The following CTNNA3 variants were observed in gnomAD, a reference collection of about 807,000 sequenced individuals.
CTNNA3 encodes catenin alpha 3, also known as catenin alpha-3.
CTNNA3 carries 76 observed loss-of-function variants against 95.7 expected under a neutral mutation model. That is an observed-to-expected ratio of 0.79 (90% CI 0.66 to 0.96). The LOEUF (loss-of-function observed/expected upper bound fraction) is 0.96, where lower values mean the gene tolerates loss of function less well. Ranked by LOEUF, CTNNA3 falls within the 40% of genes least tolerant of loss-of-function variation. The probability of loss-of-function intolerance (pLI) is 0.00; values close to 1 mark genes in which losing one functional copy is unlikely to be tolerated. For synonymous variants in CTNNA3, 431 were observed against 374.4 expected, an observed-to-expected ratio of 1.15 and a Z score of -1.74; for missense variants, 1,191 against 1,089.8, an observed-to-expected ratio of 1.09 and a Z score of -1.31.
intron 3 of CTNNA3, among the ~76,000 whole-genome samples, chr10:67,562,489 C>G (rs1328620560): frequency 6.6e-6 from 1 of 152,110 alleles, no homozygotes; most frequent in East Asian, 1.9e-4. Context: ...GGACATATCT[C>G]AAAATAATAA....
chr10:66,931,192 T>TAAAAAAAAAAAA, intron 7 of CTNNA3, among the ~76,000 whole-genome samples: 1 of 118,674 alleles, frequency 8.4e-6, no homozygotes, highest in Non-Finnish European at 1.7e-5. Flanking sequence ...TGACAACAGT[T>TAAAAAAAAAAAA]AAAAAAAAAA....
chr10:67,379,435 T>C (rs138709982), intron 5 of CTNNA3, among the ~76,000 whole-genome samples: 50 of 152,332 alleles, frequency 3.3e-4, no homozygotes, highest in African/African-American at 1.2e-3. Context: ...TGAAAGGCAT[T>C]ATACAAAGAT....
chr10:66,206,243 A>G (rs1012829961), intron 13 of CTNNA3, among the ~76,000 whole-genome samples: 6 of 151,960 alleles, frequency 3.9e-5, no homozygotes, highest in Non-Finnish European at 7.4e-5. Flanking sequence ...TCAAGGAAAT[A>G]TAACACCAAC....
At chr10:65,926,380 T>G (rs1396850364) in intron 17 of CTNNA3, among the ~76,000 whole-genome samples, 2 of 152,104 alleles carry the variant, frequency 1.3e-5, no homozygotes, top group Non-Finnish European at 2.9e-5. Flanking sequence ...TGTGGAATTA[T>G]GAAAATGCAT....
intron 11 of CTNNA3, among the ~76,000 whole-genome samples, chr10:66,514,604 C>A (rs1171330291): frequency 6.6e-6 from 1 of 152,080 alleles, no homozygotes; most frequent in Admixed American, 6.5e-5. Flanking sequence ...TTGATCTCCA[C>A]CACCACAGTT....
chr10:66,222,883 T>C (rs2131985275), intron 13 of CTNNA3, among the ~76,000 whole-genome samples: 1 of 152,326 alleles, frequency 6.6e-6, no homozygotes, highest in Non-Finnish European at 1.5e-5. Flanking sequence ...AAGGTTATTC[T>C]CTTCTAGACA....
At chr10:67,209,643 A>T (rs1203905173) in intron 6 of CTNNA3, among the ~76,000 whole-genome samples, 1 of 152,152 alleles carries the variant, frequency 6.6e-6, no homozygotes, top group Non-Finnish European at 1.5e-5. Flanking sequence ...CCAAAATAAA[A>T]CCTATATTTT....
intron 2 of CTNNA3, among the ~76,000 whole-genome samples, chr10:67,616,879 G>A (rs73268186): frequency 5.8e-4 from 89 of 152,216 alleles, no homozygotes; most frequent in African/African-American, 2.1e-3. Flanking sequence ...AAAGACGTTT[G>A]GGGAAAAATT....
intron 5 of CTNNA3, among the ~76,000 whole-genome samples, chr10:67,482,858 C>T (rs1234364689): frequency 1.3e-5 from 2 of 152,088 alleles, no homozygotes; most frequent in Non-Finnish European, 2.9e-5. Context: ...CAGTTTTTGC[C>T]CATTCAGTAT....
At chr10:66,573,456 C>T (rs544389086) in intron 10 of CTNNA3, among the ~76,000 whole-genome samples, 5 of 152,178 alleles carry the variant, frequency 3.3e-5, no homozygotes, top group Non-Finnish European at 5.9e-5. Context: ...AAATTAATAA[C>T]TGTAACACTC....
intron 7 of CTNNA3, among the ~76,000 whole-genome samples, chr10:67,010,442 C>A (rs1852247015): frequency 6.6e-6 from 1 of 152,168 alleles, no homozygotes; most frequent in Non-Finnish European, 1.5e-5. Flanking sequence ...GGATTGCTGA[C>A]TTAATGATGC....
chr10:66,138,848 A>T (rs1402860214), intron 13 of CTNNA3, among the ~76,000 whole-genome samples: 8 of 152,182 alleles, frequency 5.3e-5, no homozygotes, highest in African/African-American at 1.9e-4. Flanking sequence ...ACAAAGGGAG[A>T]CTGTTTCAAA....
chr10:66,959,062 C>T (rs138716059), intron 7 of CTNNA3, among the ~76,000 whole-genome samples: 2 of 152,082 alleles, frequency 1.3e-5, no homozygotes, highest in African/African-American at 2.4e-5. Flanking sequence ...TCCTGCCAAG[C>T]GCTGGTATCC....
chr10:67,731,284 G>A (rs1473971418), intron 1 of CTNNA3, among the ~76,000 whole-genome samples: 4 of 152,142 alleles, frequency 2.6e-5, no homozygotes, highest in Non-Finnish European at 4.4e-5. Context: ...TTGGGAGACT[G>A]AGGCAGAAGG....
intron 1 of CTNNA3, among the ~76,000 whole-genome samples, chr10:67,702,196 T>C (rs2133603860): frequency 6.6e-6 from 1 of 152,274 alleles, no homozygotes; most frequent in Admixed American, 6.5e-5. Flanking sequence ...AACACCCCAC[T>C]GTCAACATTA....
intron 7 of CTNNA3, among the ~76,000 whole-genome samples, chr10:67,139,299 ATTTTTT>A (rs60290459): frequency 3.5e-4 from 41 of 117,904 alleles, no homozygotes; most frequent in African/African-American, 1.3e-3. Context: ...CGCCCGGCTA[ATTTTTT>A]TTTTTTTTTT....
At chr10:67,218,014 T>C (rs1214216170) in intron 6 of CTNNA3, among the ~76,000 whole-genome samples, 2 of 152,192 alleles carry the variant, frequency 1.3e-5, no homozygotes, top group East Asian at 3.9e-4. Context: ...GCTATGTGTA[T>C]AGGGTATATA....
chr10:66,982,443 C>T (rs1850496183), intron 7 of CTNNA3, among the ~76,000 whole-genome samples: 2 of 152,294 alleles, frequency 1.3e-5, no homozygotes, highest in South Asian at 2.1e-4. Flanking sequence ...TCCTTACACA[C>T]TTCTTGAGAA....
chr10:67,738,618 G>T (rs959315535), intron 1 of CTNNA3, among the ~76,000 whole-genome samples: 2 of 151,982 alleles, frequency 1.3e-5, no homozygotes, highest in Non-Finnish European at 2.9e-5. Context: ...AGAGAAGAAG[G>T]CTTCAGATGA....
Sources: gnomAD v4.1 joint callset for allele counts (sites outside exome capture counted in the v4.1 genomes callset) on GRCh38, gnomAD v4.1.1 for gene constraint, MANE v1.5 for transcripts, NCBI Gene and HGNC (gene_info 2026-07-23, HGNC 2026-07-21) for gene names.